ST8SIA1: variants seen among roughly 807,000 people sequenced by gnomAD.
ST8SIA1 encodes the protein alpha-N-acetylneuraminide alpha-2,8-sialyltransferase.
Under a neutral mutation model 35.9 loss-of-function variants are expected in ST8SIA1, and 16 were observed. The ratio of observed to expected loss-of-function variants is 0.45; its 90% CI spans 0.30 to 0.68. The LOEUF is 0.68. Among genes scored for constraint, ST8SIA1 ranks in the 30% least tolerant of loss-of-function variants. ST8SIA1 has a pLI of 0.09. For missense variants in ST8SIA1, 383 were observed against 453.6 expected (o/e 0.84, Z 1.41); for synonymous variants, 170 against 169.6 (o/e 1.00, Z -0.02).
chr12:22,310,403 A>G (rs1195280011), intron 1 of ST8SIA1, among the ~76,000 whole-genome samples: 1 of 152,150 alleles, frequency 6.6e-6, no homozygotes, highest in Non-Finnish European at 1.5e-5. Flanking sequence ...TGTCTGTGCT[A>G]AAGACAAAGT....
At chr12:22,271,066 A>G (rs1865907517) in intron 2 of ST8SIA1, among the ~76,000 whole-genome samples, 1 of 152,216 alleles carries the variant, frequency 6.6e-6, no homozygotes, top group African/African-American at 2.4e-5. Context: ...CCACAGGCAC[A>G]TAGATTTCCT....
Position 22,198,582 on chromosome 12 carries a change from A to G in ST8SIA1, c.*2970T>C, listed in dbSNP as rs1865016255. Reference sequence around the variant, plus strand: ...ACACACACACACTCCTATCTAACCAATTATGTCCAAAAGGCATATGTATGG... The same window carrying G: ...ACACACACACACTCCTATCTAACCAGTTATGTCCAAAAGGCATATGTATGG... On this transcript the variant is annotated 3_prime_UTR_variant, in exon 5 of 5. Transcript: ENST00000396037. 1 of 148,584 alleles carries G rather than the reference A, an allele frequency of 6.7e-6. No individual in the cohort carries two copies. The highest frequency in any genetic ancestry group is 1.5e-5 in the Non-Finnish European group (1 of 66,968). 9.2% of individuals were successfully genotyped at this position (148,584 alleles called of 1,614,324 possible). A position where few individuals can be genotyped will look rare whatever the true frequency, so the allele number is the denominator to read the frequency against.
chr12:22,255,684 A>AT (rs1450180274), intron 2 of ST8SIA1, among the ~76,000 whole-genome samples: 1 of 98,376 alleles, frequency 1.0e-5, no homozygotes, highest in African/African-American at 4.8e-5. Flanking sequence ...GCTAGGGAAA[A>AT]TTAAAAAAAA....
At chr12:22,257,973 TTTTGGTGACTCTTGGTCAC>T (rs1865746438) in intron 2 of ST8SIA1, among the ~76,000 whole-genome samples, 1 of 151,538 alleles carries the variant, frequency 6.6e-6, no homozygotes, top group Non-Finnish European at 1.5e-5. Context: ...TCATAAGAGA[TTTTGGTGACTCTTGGTCAC>T]TTTGGTGACT....
chr12:22,302,004 T>A lies in ST8SIA1; in HGVS notation c.237-14711A>T, dbSNP rs543378042. Among the ~76,000 whole-genome samples, 11 of 152,306 alleles carry A rather than the reference T, an allele frequency of 7.2e-5. No homozygotes were observed. The East Asian group carries it at 2.1e-3, about 29-fold the overall frequency. The stretch of plus-strand genomic sequence containing the variant: ...AGATAATTATTCTTGCTGTACTTTA[T>A]ACAAATAATCTGGGCAATATAATAA... On this transcript the variant is annotated intron_variant, in intron 1 of 4. Transcript: ENST00000396037.
chr12:22,227,071 A>C (rs1015807702), intron 4 of ST8SIA1, among the ~76,000 whole-genome samples: 12 of 151,578 alleles, frequency 7.9e-5, no homozygotes, highest in South Asian at 2.1e-4. Flanking sequence ...TCGGCCTCCC[A>C]AGTAGCTGGG....
At chr12:22,230,522 C>T (rs1193903565) in intron 4 of ST8SIA1, among the ~76,000 whole-genome samples, 1 of 152,106 alleles carries the variant, frequency 6.6e-6, no homozygotes, top group African/African-American at 2.4e-5. Flanking sequence ...TCTAAAATCC[C>T]CTGCCCAGCC....
At chr12:22,299,408 A>G (rs1034790452) in intron 1 of ST8SIA1, among the ~76,000 whole-genome samples, 2 of 152,160 alleles carry the variant, frequency 1.3e-5, no homozygotes, top group East Asian at 3.8e-4. Context: ...AATCTTATAT[A>G]GTAAATTTAG....
intron 2 of ST8SIA1, among the ~76,000 whole-genome samples, chr12:22,270,657 T>C (rs536232536): frequency 6.6e-6 from 1 of 151,906 alleles, no homozygotes; most frequent in East Asian, 1.9e-4. Context: ...CTCAGAAAGG[T>C]AAAGGGGTGA....
chr12:22,229,007 T>G (rs1865386676), intron 4 of ST8SIA1, among the ~76,000 whole-genome samples: 2 of 138,442 alleles, frequency 1.4e-5, no homozygotes, highest in Non-Finnish European at 3.0e-5. Flanking sequence ...TAAGCTGAGA[T>G]CGCACCACTG....
rs188275523 is a variant in ST8SIA1, at chr12:22,231,252, G to C, written c.584+17754C>G. On this transcript the variant is annotated intron_variant, in intron 4 of 4. Coordinates refer to ENST00000396037, the MANE Select transcript of ST8SIA1 (RefSeq NM_003034.4). ...ACAATGTTGCACGTGATTTTCCAAA[G>C]ACCCATGTCCTGCTGGAAATGCTGA... Among the ~76,000 whole-genome samples the C allele has an allele frequency of 7.9e-5, 12 of 151,306 alleles. No individual in the cohort carries two copies. The East Asian group carries it at 2.3e-3, about 29-fold the overall frequency.
At chr12:22,315,236 A>G (rs906691462) in intron 1 of ST8SIA1, among the ~76,000 whole-genome samples, 2 of 152,164 alleles carry the variant, frequency 1.3e-5, no homozygotes, top group Admixed American at 1.3e-4. Flanking sequence ...ACAGAGTTGT[A>G]AATTCTATCA....
intron 2 of ST8SIA1, among the ~76,000 whole-genome samples, chr12:22,274,221 T>TA (rs35850622): frequency 2.0e-5 from 3 of 152,214 alleles, no homozygotes; most frequent in East Asian, 1.9e-4. Context: ...ATCTTTATCC[T>TA]AAAAATCAAT....
At chr12:22,225,233 T>C (rs1009916647) in intron 4 of ST8SIA1, among the ~76,000 whole-genome samples, 1 of 152,200 alleles carries the variant, frequency 6.6e-6, no homozygotes, top group African/African-American at 2.4e-5. Context: ...TAATTTGTGG[T>C]AGCAGCCCTA....
chr12:22,237,756 T>A (rs1865492290), intron 4 of ST8SIA1, among the ~76,000 whole-genome samples: 1 of 151,948 alleles, frequency 6.6e-6, no homozygotes, highest in Non-Finnish European at 1.5e-5. Context: ...GAGTTTTTTC[T>A]TGTTTTTTTA....
rs1864992650 is a variant in ST8SIA1 at position 22,196,691 on chromosome 12, T to G, written c.*4861A>C. ...TAGCTTCAAGGACTCAGACTATCCATATGAATGAGGGGGAAAAGTTCCACT... is the reference window on the plus strand; with the variant it reads ...TAGCTTCAAGGACTCAGACTATCCAGATGAATGAGGGGGAAAAGTTCCACT... On this transcript the variant is annotated 3_prime_UTR_variant, in exon 5 of 5. Coordinates refer to ENST00000396037, the MANE Select transcript of ST8SIA1 (RefSeq NM_003034.4). 1 of 152,188 alleles carries G rather than the reference T, an allele frequency of 6.6e-6. No individual in the cohort carries two copies. The highest frequency in any genetic ancestry group is 1.5e-5 in the Non-Finnish European group (1 of 68,060). 9.4% of individuals were successfully genotyped at this position (152,188 alleles called of 1,614,324 possible).
At chr12:22,246,314 A>C (rs1396119494) in intron 4 of ST8SIA1, among the ~76,000 whole-genome samples, 1 of 152,200 alleles carries the variant, frequency 6.6e-6, no homozygotes, top group Non-Finnish European at 1.5e-5. Flanking sequence ...ACACAAACAC[A>C]CTTGGTGGCA....
At chr12:22,299,446 TGAAA>T (rs1866290488) in intron 1 of ST8SIA1, among the ~76,000 whole-genome samples, 1 of 152,140 alleles carries the variant, frequency 6.6e-6, no homozygotes, top group Admixed American at 6.6e-5. Flanking sequence ...TGGTTGTTTA[TGAAA>T]GAGGGATGTT....
chr12:22,201,832 T>A lies in ST8SIA1; in HGVS notation c.791A>T (p.Lys264Ile), dbSNP rs777323675. ...NFLRSIGKFW[K>I]SRGIHAKRLS... The stretch of plus-strand genomic sequence containing the variant: ...GCGCTTGGCATGGATTCCTCTACTT[T>A]TCCAGAACTTTCCAATGCTACGCAG... The change falls in exon 5 of 5, where the codon AAA (lysine) becomes ATA (isoleucine). Residue 264 changes from lysine to isoleucine, a missense_variant. Transcript: ENST00000396037. The A allele has an allele frequency of 1.9e-6, 3 of 1,614,018 alleles. No individual in the cohort carries two copies. The Admixed American group carries it at 5.0e-5, about 27-fold the overall frequency.
Sources: allele counts gnomAD v4.1 joint callset (sites outside exome capture counted in the v4.1 genomes callset), GRCh38; gene constraint gnomAD v4.1.1; transcripts MANE v1.5; gene names NCBI Gene and HGNC (gene_info 2026-07-23, HGNC 2026-07-21).